FOXP1: variants seen among roughly 807,000 people sequenced by gnomAD.
FOXP1 encodes the protein forkhead box P1, also known as forkhead box protein P1.
A neutral mutation model predicts 98.2 loss-of-function variants in FOXP1; 15 were observed. The observed-to-expected ratio is 0.15, with a 90% confidence interval of 0.10 to 0.24. The LOEUF is 0.24. Among genes scored for constraint, FOXP1 ranks in the 10% least tolerant of loss-of-function variants. The pLI, the probability that FOXP1 is intolerant of heterozygous loss-of-function variation, is 1.00. For missense variants in FOXP1, 633 were observed against 848.5 expected (o/e 0.75, Z 3.15); for synonymous variants, 371 against 314.5 (o/e 1.18, Z -1.90).
intron 3 of FOXP1, among the ~76,000 whole-genome samples, chr3:71,489,208 G>A (rs1217487797): frequency 6.6e-6 from 1 of 152,144 alleles, no homozygotes; most frequent in Non-Finnish European, 1.5e-5. Context: ...CCAAGTCTTC[G>A]GTGAGAAGGA....
intron 2 of FOXP1, among the ~76,000 whole-genome samples, chr3:71,499,395 TTATACACACACATAATATACGTATGTA>T (rs2041161368): frequency 6.6e-6 from 1 of 152,234 alleles, no homozygotes; most frequent in African/African-American, 2.4e-5. Flanking sequence ...AATGGCAATT[TTATACACACACATAATATACGTATGTA>T]TATACACACA....
At chr3:71,102,336 A>C (rs2057035287) in intron 7 of FOXP1, among the ~76,000 whole-genome samples, 1 of 152,184 alleles carries the variant, frequency 6.6e-6, no homozygotes, top group South Asian at 2.1e-4. Flanking sequence ...AACTTAATAA[A>C]AGTTCCCGAT....
intron 2 of FOXP1, among the ~76,000 whole-genome samples, chr3:71,525,066 A>T (rs2043272133): frequency 6.6e-6 from 1 of 152,230 alleles, no homozygotes; most frequent in African/African-American, 2.4e-5. Context: ...ACTCTTCCAT[A>T]AAAAACTCTT....
At chr3:71,194,639 T>G (rs2063194263) in intron 6 of FOXP1, among the ~76,000 whole-genome samples, 1 of 152,204 alleles carries the variant, frequency 6.6e-6, no homozygotes, top group South Asian at 2.1e-4. Context: ...TTGCTGAGTT[T>G]CATAATGGAG....
chr3:71,031,406 A>G (rs1322096973), intron 11 of FOXP1, among the ~76,000 whole-genome samples: 1 of 152,208 alleles, frequency 6.6e-6, no homozygotes, highest in Non-Finnish European at 1.5e-5. Flanking sequence ...TTTGTTTACC[A>G]AACAAGAACA....
At chr3:71,021,086 A>C (rs2045359733) in intron 11 of FOXP1, among the ~76,000 whole-genome samples, 1 of 152,232 alleles carries the variant, frequency 6.6e-6, no homozygotes, top group Non-Finnish European at 1.5e-5. Flanking sequence ...TCACTCACTT[A>C]AAGTGCATAA....
chr3:71,344,818 G>A (rs930916960), intron 4 of FOXP1, among the ~76,000 whole-genome samples: 2 of 146,612 alleles, frequency 1.4e-5, no homozygotes, highest in Non-Finnish European at 3.0e-5. Context: ...GGGGGAAAGA[G>A]CGAGAGTCCG....
intron 2 of FOXP1, among the ~76,000 whole-genome samples, chr3:71,500,911 G>C (rs1450495629): frequency 2.0e-5 from 3 of 152,200 alleles, no homozygotes. Context: ...GTCAAGGATG[G>C]CTAGGCACAG....
At chr3:71,500,428 G>A (rs2041250914) in intron 2 of FOXP1, among the ~76,000 whole-genome samples, 1 of 152,178 alleles carries the variant, frequency 6.6e-6, no homozygotes, top group South Asian at 2.1e-4. Context: ...CTGCTCTAGA[G>A]AACAACTGAC....
rs372030254 is a variant in FOXP1 at position 71,052,546 on chromosome 3, C to T, written c.501G>A (p.Gln167=). 6 of 1,298,804 alleles carry T rather than the reference C, an allele frequency of 4.6e-6. No homozygotes were observed. The highest frequency in any genetic ancestry group is 4.6e-5 in the East Asian group (2 of 43,498). 80.5% of individuals were successfully genotyped at this position (1,298,804 alleles called of 1,614,324 possible). Residue 167 remains glutamine, a synonymous_variant, in exon 9 of 21, where the codon CAG becomes CAA. Transcript: ENST00000649528. ...TATGTATTGTCGGTACCTCTTTAGG[C>T]TGTTTTCCAGCATGTTGTTGTTGTA... The part of the protein sequence containing the change: ...QLLQQQHAGK[Q]PKEQQQVATQ...
At chr3:70,968,140 C>T (rs2035356164) in intron 19 of FOXP1, among the ~76,000 whole-genome samples, 1 of 152,090 alleles carries the variant, frequency 6.6e-6, no homozygotes, top group Non-Finnish European at 1.5e-5. Context: ...GAAACGCATA[C>T]AAAGGCAAGC....
chr3:71,449,733 G>T (rs1452986261), intron 3 of FOXP1, among the ~76,000 whole-genome samples: 1 of 152,190 alleles, frequency 6.6e-6, no homozygotes, highest in African/African-American at 2.4e-5. Flanking sequence ...ATGAATAGGG[G>T]TCACTTACTG....
chr3:71,431,654 T>G (rs1401783562), intron 3 of FOXP1, among the ~76,000 whole-genome samples: 2 of 152,166 alleles, frequency 1.3e-5, no homozygotes, highest in Admixed American at 6.5e-5. Flanking sequence ...CTAAACATAT[T>G]TCCAAAGGTA....
At chr3:71,131,059 AAAG>A (rs569451855) in intron 6 of FOXP1, 9 of 341,634 alleles carry the variant, frequency 2.6e-5, no homozygotes, top group Admixed American at 6.5e-5. Flanking sequence ...AAGAAAAAAA[AAAG>A]AAGAAGAAGA....
intron 5 of FOXP1, among the ~76,000 whole-genome samples, chr3:71,298,363 G>T (rs1464256881): frequency 2.6e-5 from 4 of 152,078 alleles, no homozygotes; most frequent in Non-Finnish European, 5.9e-5. Context: ...TACTCAGGAG[G>T]GTGGGGCAGG....
At chr3:71,022,419 TA>T (rs2107803927) in intron 11 of FOXP1, among the ~76,000 whole-genome samples, 2 of 152,266 alleles carry the variant, frequency 1.3e-5, no homozygotes, top group African/African-American at 4.8e-5. Flanking sequence ...GTTTGACGGG[TA>T]GGGGGAGAGA....
intron 6 of FOXP1, among the ~76,000 whole-genome samples, chr3:71,131,936 TCA>T (rs1382415174): frequency 6.6e-6 from 1 of 152,194 alleles, no homozygotes; most frequent in Non-Finnish European, 1.5e-5. Flanking sequence ...CTTCTGAGTC[TCA>T]CAGTGCTTCC....
At chr3:70,991,369 G>A (rs1227618645) in intron 13 of FOXP1, among the ~76,000 whole-genome samples, 1 of 152,154 alleles carries the variant, frequency 6.6e-6, no homozygotes, top group African/African-American at 2.4e-5. Flanking sequence ...GTTTAAGACA[G>A]TCTGGGCTGT....
intron 3 of FOXP1, among the ~76,000 whole-genome samples, chr3:71,440,412 T>A (rs1264471800): frequency 1.4e-5 from 2 of 145,270 alleles, no homozygotes; most frequent in East Asian, 2.2e-4. Context: ...GCGCGGTGGC[T>A]CACGCCTGTA....
Sources: gnomAD v4.1 joint callset for allele counts (sites outside exome capture counted in the v4.1 genomes callset) on GRCh38, gnomAD v4.1.1 for gene constraint, MANE v1.5 for transcripts, NCBI Gene and HGNC (gene_info 2026-07-23, HGNC 2026-07-21) for gene names.